SLC22A3: variants seen among roughly 807,000 people sequenced by gnomAD.
The protein encoded by SLC22A3 is EMT organic cation transporter 3.
A neutral mutation model predicts 59.1 loss-of-function variants in SLC22A3; 51 were observed. The observed-to-expected ratio is 0.86, with a 90% CI of 0.69 to 1.09. SLC22A3 has a LOEUF of 1.09. Ranked by LOEUF, SLC22A3 falls within the 50% of genes least tolerant of loss-of-function variation. The pLI is 0.00. For synonymous variants in SLC22A3, 325 were observed against 292.0 expected (o/e 1.11, Z -1.15); for missense variants, 711 against 726.3 (o/e 0.98, Z 0.24).
Position 160,434,991 on chromosome 6 carries a change from G to A in SLC22A3, c.976-1789G>A, listed in dbSNP as rs1417984224. On this transcript the variant is annotated intron_variant, in intron 5 of 10. Coordinates refer to ENST00000275300, the MANE Select transcript of SLC22A3 (RefSeq NM_021977.4). ...CCACCATCGCCTACACAGGTGGTAT[G>A]GTTGAAGCTCACCAGCATCTTCTTC... Among the ~76,000 whole-genome samples the A allele has an allele frequency of 2.6e-5, 4 of 152,308 alleles. No homozygotes were observed. The East Asian group carries it at 5.8e-4, about 22-fold the overall frequency.
chr6:160,374,556 A>G (rs1785521083), intron 1 of SLC22A3, among the ~76,000 whole-genome samples: 1 of 152,244 alleles, frequency 6.6e-6, no homozygotes, highest in Non-Finnish European at 1.5e-5. Flanking sequence ...CTAAGGTTGT[A>G]GAAAATACAG....
intron 5 of SLC22A3, among the ~76,000 whole-genome samples, chr6:160,417,002 A>G (rs1205641329): frequency 2.0e-5 from 3 of 152,198 alleles, no homozygotes; most frequent in Non-Finnish European, 4.4e-5. Context: ...GTAAGCATGA[A>G]CTGCTAATAT....
intron 2 of SLC22A3, among the ~76,000 whole-genome samples, chr6:160,402,131 G>T (rs1374487228): frequency 6.6e-6 from 1 of 151,910 alleles, no homozygotes; most frequent in Non-Finnish European, 1.5e-5. Context: ...CATATATGTT[G>T]TCTACAAGAA....
chr6:160,448,609 G>A (rs1422916132), intron 10 of SLC22A3, among the ~76,000 whole-genome samples: 3 of 152,122 alleles, frequency 2.0e-5, no homozygotes, highest in African/African-American at 7.2e-5. Context: ...TAGGGTATAA[G>A]TAAAACTAAT....
At position 160,451,540 on chromosome 6, in the gene SLC22A3, C is replaced by G. The variant is rs1025385919; in HGVS notation, c.*484C>G. On this transcript the variant is annotated 3_prime_UTR_variant, in exon 11 of 11. Transcript: ENST00000275300. The stretch of plus-strand genomic sequence containing the variant: ...GCATGGAGGATGAACATCTGGGAAT[C>G]CTGTTAATGAGAAGGCTGAATCACA... 6.0e-6 allele frequency: 1 copy of G among 166,832 alleles called. No homozygotes were observed. Among genetic ancestry groups the G allele is most frequent in the African/African-American group, 2.4e-5 (1 of 41,672 alleles). The allele number at this position is 166,832 out of a possible 1,614,324, so 10.3% of individuals were successfully genotyped here.
intron 1 of SLC22A3, among the ~76,000 whole-genome samples, chr6:160,380,292 A>G (rs1785748645): frequency 6.6e-6 from 1 of 152,116 alleles, no homozygotes; most frequent in African/African-American, 2.4e-5. Flanking sequence ...CTATGACTTG[A>G]CTATAGTTTA....
chr6:160,411,013 C>T (rs1209829061), intron 5 of SLC22A3, among the ~76,000 whole-genome samples, 167 bp downstream of exon 5: 3 of 151,496 alleles, frequency 2.0e-5, no homozygotes, highest in Non-Finnish European at 4.4e-5. Flanking sequence ...CACTACCAAA[C>T]ATCTGGGAAA....
chr6:160,393,250 C>A (rs557125108), intron 1 of SLC22A3, among the ~76,000 whole-genome samples: 62 of 151,798 alleles, frequency 4.1e-4, no homozygotes, highest in African/African-American at 1.4e-3. Flanking sequence ...AATGAGGCCC[C>A]TCTCCTGAGT....
chr6:160,393,034 A>T (rs757336571), intron 1 of SLC22A3, among the ~76,000 whole-genome samples: 45 of 152,076 alleles, frequency 3.0e-4, no homozygotes, highest in Non-Finnish European at 5.7e-4. Flanking sequence ...TTGCAATTTG[A>T]CTTCAGAGAC....
At chr6:160,357,569 G>T (rs1199439298) in intron 1 of SLC22A3, among the ~76,000 whole-genome samples, 2 of 152,186 alleles carry the variant, frequency 1.3e-5, no homozygotes, top group Admixed American at 1.3e-4. Flanking sequence ...GGATTAAGTG[G>T]TTGTGGTGAA....
At chr6:160,433,224 C>G (rs1278998555) in intron 5 of SLC22A3, among the ~76,000 whole-genome samples, 1 of 152,092 alleles carries the variant, frequency 6.6e-6, no homozygotes, top group African/African-American at 2.4e-5. Flanking sequence ...ATTTTCTTGT[C>G]AAAATCTAAC....
intron 1 of SLC22A3, among the ~76,000 whole-genome samples, chr6:160,359,553 T>C (rs180885674): frequency 6.6e-6 from 1 of 152,190 alleles, no homozygotes; most frequent in African/African-American, 2.4e-5. Flanking sequence ...AAGGGAAATA[T>C]CAAAAAAGAC....
chr6:160,361,332 A>G (rs1296313279), intron 1 of SLC22A3, among the ~76,000 whole-genome samples: 1 of 152,256 alleles, frequency 6.6e-6, no homozygotes. Flanking sequence ...AGGTCAGGGA[A>G]AGACTTTTTA....
intron 1 of SLC22A3, among the ~76,000 whole-genome samples, chr6:160,397,425 C>T (rs1042310514): frequency 6.6e-6 from 1 of 151,814 alleles, no homozygotes; most frequent in African/African-American, 2.4e-5. Context: ...GACTCTTGCT[C>T]TATTCAATAC....
At chr6:160,397,829 G>T in intron 1 of SLC22A3, 150 bp from the exon 2 acceptor site, 6 of 644,532 alleles carry the variant, frequency 9.3e-6, no homozygotes, top group Admixed American at 2.0e-5. Flanking sequence ...ATGTGTTAAT[G>T]TAAACATACG....
intron 2 of SLC22A3, among the ~76,000 whole-genome samples, chr6:160,406,571 GGTGGGA>G: frequency 6.6e-6 from 1 of 152,280 alleles, no homozygotes; most frequent in East Asian, 1.9e-4. Flanking sequence ...TCTAGAAAAA[GGTGGGA>G]ATAAACAAAA....
intron 1 of SLC22A3, among the ~76,000 whole-genome samples, chr6:160,382,934 T>A (rs1166700260): frequency 6.6e-6 from 1 of 152,124 alleles, no homozygotes; most frequent in Non-Finnish European, 1.5e-5. Context: ...CAATAGCATA[T>A]TGGAGATGGC....
At chr6:160,430,452 T>G (rs1387302631) in intron 5 of SLC22A3, among the ~76,000 whole-genome samples, 2 of 152,154 alleles carry the variant, frequency 1.3e-5, no homozygotes, top group Non-Finnish European at 2.9e-5. Context: ...CTTTGGCAAT[T>G]TAAATGAAGA....
rs8187725 is a variant in SLC22A3, at chr6:160,437,122, C to T, written c.1199C>T (p.Thr400Ile). ...CCAGGAGCTCTCTTGATCTTACTAACCATTGAGCGCCTTGGACGACGCCTC... is the reference window on the plus strand; with the variant it reads ...CCAGGAGCTCTCTTGATCTTACTAATCATTGAGCGCCTTGGACGACGCCTC... ...ELPGALLILLTIERLGRRLPF... is the reference protein window; with the variant it reads ...ELPGALLILLIIERLGRRLPF... The change falls in exon 7 of 11, where the codon ACC becomes ATC. Residue 400 changes from threonine to isoleucine, a missense_variant. By Grantham distance (89) the Thr-to-Ile change is moderately conservative. Coordinates refer to ENST00000275300, the MANE Select transcript of SLC22A3 (RefSeq NM_021977.4). 2.2e-5 allele frequency: 35 copies of T among 1,614,060 alleles called. No individual in the cohort carries two copies. Among genetic ancestry groups the T allele is most frequent in the Non-Finnish European group, 2.8e-5 (33 of 1,180,024 alleles).
Sources: allele counts gnomAD v4.1 joint callset (sites outside exome capture counted in the v4.1 genomes callset), GRCh38; gene constraint gnomAD v4.1.1; transcripts MANE v1.5; gene names NCBI Gene and HGNC (gene_info 2026-07-23, HGNC 2026-07-21).